Variants in CDKAL1 observed in about 807,000 individuals in gnomAD.
CDKAL1 encodes the protein threonylcarbamoyladenosine tRNA methylthiotransferase.
A neutral mutation model predicts 68.2 loss-of-function variants in CDKAL1; 32 were observed. The ratio of observed to expected loss-of-function variants is 0.47; its 90% CI spans 0.35 to 0.63. The LOEUF is 0.63. CDKAL1 is among the 30% of genes least tolerant of loss of function. The pLI, the probability that CDKAL1 is intolerant of heterozygous loss-of-function variation, is 0.00. For synonymous variants in CDKAL1, 234 were observed against 244.3 expected (o/e 0.96, Z 0.39); for missense variants, 606 against 696.7 (o/e 0.87, Z 1.47).
At chr6:20,784,714 C>T (rs192623838) in intron 8 of CDKAL1, among the ~76,000 whole-genome samples, 1 of 152,076 alleles carries the variant, frequency 6.6e-6, no homozygotes, top group East Asian at 1.9e-4. Flanking sequence ...TGAGCCACTG[C>T]ACCTGGCCCC....
chr6:20,806,102 C>T (rs984720320), intron 8 of CDKAL1, among the ~76,000 whole-genome samples: 4 of 152,006 alleles, frequency 2.6e-5, no homozygotes, highest in African/African-American at 9.7e-5. Context: ...AGTGTAGTAC[C>T]TGTTAGGTAG....
At chr6:21,196,711 CA>C (rs920763508) in intron 13 of CDKAL1, among the ~76,000 whole-genome samples, 2 of 152,146 alleles carry the variant, frequency 1.3e-5, no homozygotes, top group Non-Finnish European at 2.9e-5. Context: ...CAAGTCCCTA[CA>C]AATGAGAATA....
At chr6:21,092,208 T>G (rs1184427290) in intron 12 of CDKAL1, among the ~76,000 whole-genome samples, 1 of 140,702 alleles carries the variant, frequency 7.1e-6, no homozygotes, top group African/African-American at 2.7e-5. Flanking sequence ...TTCAATCAGC[T>G]TTTTTTTTTT....
intron 15 of CDKAL1, among the ~76,000 whole-genome samples, chr6:21,207,177 T>C (rs1778972876): frequency 6.6e-6 from 1 of 151,944 alleles, no homozygotes; most frequent in Non-Finnish European, 1.5e-5. Flanking sequence ...CCTTCCAAAG[T>C]GCAGGGATTA....
intron 4 of CDKAL1, among the ~76,000 whole-genome samples, chr6:20,553,525 A>G (rs943010373): frequency 1.3e-5 from 2 of 152,070 alleles, no homozygotes; most frequent in Non-Finnish European, 2.9e-5. Context: ...ACAAACAAAA[A>G]CAACAGCTTC....
chr6:21,180,027 A>C (rs1014424603), intron 13 of CDKAL1, among the ~76,000 whole-genome samples: 1 of 152,176 alleles, frequency 6.6e-6, no homozygotes, highest in African/African-American at 2.4e-5. Context: ...TCTCAAAAAA[A>C]AAGAAAAATC....
intron 15 of CDKAL1, among the ~76,000 whole-genome samples, chr6:21,211,034 C>T (rs1779129724): frequency 6.6e-6 from 1 of 152,212 alleles, no homozygotes; most frequent in Non-Finnish European, 1.5e-5. Context: ...CATTTACACC[C>T]TGGGGACAAA....
intron 4 of CDKAL1, among the ~76,000 whole-genome samples, chr6:20,550,175 G>A (rs988309615): frequency 6.6e-6 from 1 of 151,068 alleles, no homozygotes; most frequent in South Asian, 2.1e-4. Flanking sequence ...ATGGGGTTTC[G>A]CCATGGTAGC....
chr6:20,649,220 C>T, intron 4 of CDKAL1, 73 bp from the exon 5 acceptor site: 1 of 986,304 alleles, frequency 1.0e-6, no homozygotes, highest in Non-Finnish European at 1.6e-6. Flanking sequence ...CCGCAGCAAT[C>T]CCAGTGCCAC....
intron 10 of CDKAL1, among the ~76,000 whole-genome samples, 155 bp from the exon 11 acceptor site, chr6:21,000,072 A>G (rs1255068926): frequency 6.6e-6 from 1 of 152,238 alleles, no homozygotes; most frequent in African/African-American, 2.4e-5. Context: ...ATCTCATCAT[A>G]GAATATTACC....
At chr6:21,011,194 T>A (rs992349896) in intron 11 of CDKAL1, among the ~76,000 whole-genome samples, 1 of 148,444 alleles carries the variant, frequency 6.7e-6, no homozygotes, top group Admixed American at 6.8e-5. Flanking sequence ...CTGGCTAACA[T>A]GGTGAAACCC....
rs563102489 is a variant in CDKAL1, at chr6:21,099,549, T to G, written c.1237-8852T>G. Among the ~76,000 whole-genome samples, 46 of 152,302 alleles carry G rather than the reference T, an allele frequency of 3.0e-4. No homozygotes were observed. The Middle Eastern group carries it at 0.01, about 34-fold the overall frequency. On this transcript the variant is annotated intron_variant, in intron 12 of 15. Transcript: ENST00000274695. ...AACCATTGATTTCGAGGGTGAAGAT[T>G]GGACACAGGTAGTCCAGGAAAGAAA...
At chr6:20,808,288 A>G (rs1776655602) in intron 8 of CDKAL1, among the ~76,000 whole-genome samples, 1 of 152,006 alleles carries the variant, frequency 6.6e-6, no homozygotes, top group Admixed American at 6.6e-5. Context: ...TATTTTTATT[A>G]TTTTATTTTG....
chr6:20,973,316 A>G (rs1015919599), intron 10 of CDKAL1, among the ~76,000 whole-genome samples: 1 of 152,206 alleles, frequency 6.6e-6, no homozygotes, highest in African/African-American at 2.4e-5. Context: ...TTCTATATAA[A>G]GGTATCTTTT....
intron 5 of CDKAL1, among the ~76,000 whole-genome samples, chr6:20,735,117 G>T (rs530939070): frequency 6.6e-6 from 1 of 152,150 alleles, no homozygotes; most frequent in African/African-American, 2.4e-5. Flanking sequence ...CAACCCACCC[G>T]CCTTGGCCTC....
intron 11 of CDKAL1, among the ~76,000 whole-genome samples, chr6:21,007,901 C>A (rs749993508): frequency 3.9e-5 from 6 of 152,182 alleles, no homozygotes; most frequent in Non-Finnish European, 7.3e-5. Context: ...CTGGTCTAAT[C>A]TAAGGCATTT....
chr6:21,161,391 T>C (rs560619280), intron 13 of CDKAL1, among the ~76,000 whole-genome samples: 2 of 152,292 alleles, frequency 1.3e-5, no homozygotes, highest in East Asian at 3.9e-4. Context: ...AGAAAAACAA[T>C]ATTGAATGGT....
chr6:21,033,182 CTGTT>C (rs1462056072), intron 11 of CDKAL1, among the ~76,000 whole-genome samples: 2 of 152,084 alleles, frequency 1.3e-5, no homozygotes, highest in African/African-American at 2.4e-5. Context: ...GAAGTTATGC[CTGTT>C]TGTTTGTACT....
intron 8 of CDKAL1, among the ~76,000 whole-genome samples, chr6:20,817,348 C>T (rs1294460216): frequency 6.6e-6 from 1 of 152,072 alleles, no homozygotes; most frequent in Non-Finnish European, 1.5e-5. Flanking sequence ...CATTTGTTTA[C>T]ATTATTGTAT....
Sources: allele counts gnomAD v4.1 joint callset (sites outside exome capture counted in the v4.1 genomes callset), GRCh38; gene constraint gnomAD v4.1.1; transcripts MANE v1.5; gene names NCBI Gene and HGNC (gene_info 2026-07-23, HGNC 2026-07-21).